The following TARS1 variants were observed in gnomAD, a reference collection of about 807,000 sequenced individuals.
TARS1 encodes the protein threonine--tRNA ligase 1, cytoplasmic.
Under a neutral mutation model 97.7 loss-of-function variants are expected in TARS1, and 57 were observed. That is an observed-to-expected ratio of 0.58 (90% CI 0.47 to 0.73). TARS1 has a LOEUF of 0.73. Among genes scored for constraint, TARS1 ranks in the 30% least tolerant of loss-of-function variants. The pLI, the probability that TARS1 is intolerant of heterozygous loss-of-function variation, is 0.00. For synonymous variants in TARS1, 312 were observed against 293.7 expected (o/e 1.06, Z -0.64); for missense variants, 806 against 888.3 (o/e 0.91, Z 1.18).
chr5:33,443,297 T>C (rs1741208178), intron 1 of TARS1, among the ~76,000 whole-genome samples: 1 of 137,132 alleles, frequency 7.3e-6, no homozygotes, highest in African/African-American at 2.9e-5. Flanking sequence ...AAAACCTTTG[T>C]GGTGATTCCC....
chr5:33,456,941 C>T (rs114216008), intron 8 of TARS1, among the ~76,000 whole-genome samples: 1,902 of 152,318 alleles, frequency 0.012, 36 homozygotes, highest in African/African-American at 0.044. Flanking sequence ...CGACCATAAG[C>T]GCACACCACC....
chr5:33,449,676 C>A (rs967136110), intron 3 of TARS1, among the ~76,000 whole-genome samples: 1 of 151,778 alleles, frequency 6.6e-6, no homozygotes, highest in African/African-American at 2.4e-5. Flanking sequence ...AGGATGGTCT[C>A]GATCTCCTGA....
intron 3 of TARS1, chr5:33,452,542 C>CATCACTTGATGATACTTT (rs1401995776): frequency 1.2e-6 from 1 of 809,446 alleles, no homozygotes; most frequent in East Asian, 2.7e-5. Flanking sequence ...TCTGATATTT[C>CATCACTTGATGATACTTT]ATCACTTGAT....
intron 11 of TARS1, 63 bp downstream of exon 11, chr5:33,459,924 T>C: frequency 6.5e-6 from 10 of 1,545,552 alleles, no homozygotes; most frequent in Non-Finnish European, 8.8e-6. Flanking sequence ...CCTGGGTTCT[T>C]CCCTCCTTTA....
chr5:33,443,426 T>C (rs963045471), intron 1 of TARS1, among the ~76,000 whole-genome samples: 17 of 151,310 alleles, frequency 1.1e-4, no homozygotes, highest in African/African-American at 2.7e-4. Flanking sequence ...ATAAAACTTA[T>C]TTTATCATCT....
intron 8 of TARS1, 97 bp from the exon 9 acceptor site, chr5:33,457,160 G>T: frequency 7.1e-7 from 1 of 1,406,414 alleles, no homozygotes. Flanking sequence ...TGCAGAATGA[G>T]TAACTACTCT....
intron 1 of TARS1, 194 bp downstream of exon 1, chr5:33,441,337 C>G (rs1741085236): frequency 9.8e-6 from 6 of 612,674 alleles, no homozygotes; most frequent in Non-Finnish European, 2.9e-6. Flanking sequence ...TAGGGTGGGG[C>G]CTTGCAGTTC....
Position 33,441,035 on chromosome 5 carries a change from C to T in TARS1, c.-52C>T, listed in dbSNP as rs1250678358. 17 of 1,612,590 alleles carry T rather than the reference C, an allele frequency of 1.1e-5. No individual in the cohort carries two copies. The highest frequency in any genetic ancestry group is 2.2e-5 in the East Asian group (1 of 44,792). On this transcript the variant is annotated 5_prime_UTR_variant, in exon 1 of 19. Coordinates refer to ENST00000265112, the MANE Select transcript of TARS1 (RefSeq NM_152295.5). ...CCACCTCCCACCCGCCTCTTGGCTCCTCTCCTCTAGGCCGTCGCTTTCGGG... is the reference window on the plus strand; with the variant it reads ...CCACCTCCCACCCGCCTCTTGGCTCTTCTCCTCTAGGCCGTCGCTTTCGGG...
chr5:33,444,228 G>A (rs1324022362), intron 1 of TARS1, among the ~76,000 whole-genome samples: 2 of 152,182 alleles, frequency 1.3e-5, no homozygotes, highest in Non-Finnish European at 2.9e-5. Context: ...ACAGAAACTA[G>A]GTTAATGGTT....
chr5:33,452,187 C>CT (rs1741777353), intron 3 of TARS1, among the ~76,000 whole-genome samples: 1 of 152,160 alleles, frequency 6.6e-6, no homozygotes, highest in Non-Finnish European at 1.5e-5. Flanking sequence ...TGGTAGGTTT[C>CT]TTTGAGATTT....
Position 33,455,684 on chromosome 5 carries a change from A to T in TARS1, c.673A>T (p.Thr225Ser), listed in dbSNP as rs199604065. 39 of 1,607,496 alleles carry T rather than the reference A, an allele frequency of 2.4e-5. 1 individual carries two copies. In the East Asian group the frequency reaches 8.3e-4, roughly 34 times the overall value. Residue 225 changes from threonine to serine, a missense_variant, in exon 6 of 19, where the codon ACT becomes TCT. By Grantham distance (58) the Thr-to-Ser change is moderately conservative (BLOSUM62 1). This residue lies in a region of TARS1 where 356 missense variants were observed against 357.8 expected (regional missense o/e 0.99). Coordinates refer to ENST00000265112, the MANE Select transcript of TARS1 (RefSeq NM_152295.5). Reference sequence around the variant, plus strand: ...TGAAAGACTGGAAGTTAAGAAAGAAACTTTACTGGCAATGTTTAAGGTAAA... The same window carrying T: ...TGAAAGACTGGAAGTTAAGAAAGAATCTTTACTGGCAATGTTTAAGGTAAA... ...AFERLEVKKE[T>S]LLAMFKYNKF...
At chr5:33,453,641 G>C (rs989054677) in intron 4 of TARS1, among the ~76,000 whole-genome samples, 1 of 151,942 alleles carries the variant, frequency 6.6e-6, no homozygotes, top group Non-Finnish European at 1.5e-5. Context: ...CTTCAATAGG[G>C]AAAATGTTTT....
chr5:33,462,253 A>G (rs777479898), intron 16 of TARS1, 50 bp downstream of exon 16: 5 of 1,498,416 alleles, frequency 3.3e-6, no homozygotes, highest in South Asian at 1.2e-5. Flanking sequence ...ATTGGCTACA[A>G]GAAATGTCTA....
intron 13 of TARS1, 115 bp downstream of exon 13, chr5:33,461,410 T>G: frequency 7.0e-7 from 1 of 1,424,024 alleles, no homozygotes; most frequent in Non-Finnish European, 9.5e-7. Flanking sequence ...TGGAAATGGT[T>G]CCTAGGTTTG....
Position 33,448,745 on chromosome 5 carries a change from C to T in TARS1, c.329+14C>T, listed in dbSNP as rs2111940496. The stretch of plus-strand genomic sequence containing the variant: ...CTGTGGAATTAGGTATAAGCTACAC[C>T]CATCATGACCTTCCATAGTTTGTGG... On this transcript the variant is annotated intron_variant, in intron 3 of 18. Coordinates refer to ENST00000265112, the MANE Select transcript of TARS1 (RefSeq NM_152295.5). The T allele has an allele frequency of 1.3e-6, 2 of 1,556,682 alleles. No individual in the cohort carries two copies. Among genetic ancestry groups the T allele is most frequent in the Non-Finnish European group, 8.7e-7 (1 of 1,149,728 alleles).
intron 4 of TARS1, among the ~76,000 whole-genome samples, chr5:33,454,019 C>G (rs931187101): frequency 6.6e-6 from 1 of 152,124 alleles, no homozygotes; most frequent in African/African-American, 2.4e-5. Context: ...TGTGCCTGGC[C>G]TCTAAGCTAT....
intron 1 of TARS1, among the ~76,000 whole-genome samples, chr5:33,442,461 T>G (rs900058698): frequency 6.6e-6 from 1 of 152,140 alleles, no homozygotes; most frequent in African/African-American, 2.4e-5. Context: ...GTAATAATTA[T>G]ACAATAGTTA....
chr5:33,443,359 C>G (rs1741233765), intron 1 of TARS1, among the ~76,000 whole-genome samples: 1 of 144,848 alleles, frequency 6.9e-6, no homozygotes, highest in African/African-American at 2.6e-5. Context: ...CTCTCTCTCT[C>G]TCACTACCCC....
chr5:33,460,734 A>T (rs147816071), intron 11 of TARS1, among the ~76,000 whole-genome samples, 168 bp from the exon 12 acceptor site: 1 of 152,360 alleles, frequency 6.6e-6, no homozygotes, highest in African/African-American at 2.4e-5. Context: ...TTGCTGTTTT[A>T]TTCATGCAAG....
Sources: allele counts gnomAD v4.1 joint callset (sites outside exome capture counted in the v4.1 genomes callset), GRCh38; gene constraint gnomAD v4.1.1; regional missense constraint gnomAD v4.1.1; transcripts MANE v1.5; gene names NCBI Gene and HGNC (gene_info 2026-07-23, HGNC 2026-07-21).